Variants in XIAP observed in about 807,000 individuals in gnomAD.
XIAP encodes the protein E3 ubiquitin-protein ligase XIAP.
Under a neutral mutation model 33.1 loss-of-function variants are expected in XIAP, and 3 were observed. The ratio of observed to expected loss-of-function variants is 0.09; its 90% CI spans 0.04 to 0.23. The LOEUF (loss-of-function observed/expected upper bound fraction) is 0.23, where lower values mean the gene tolerates loss of function less well. XIAP is among the 10% of genes least tolerant of loss of function. The pLI, the probability that XIAP is intolerant of heterozygous loss-of-function variation, is 1.00. For missense variants in XIAP, 264 were observed against 363.0 expected (o/e 0.73, Z 2.22); for synonymous variants, 98 against 121.3 (o/e 0.81, Z 1.26).
rs754377022 is a variant in XIAP, at chrX:123,910,942, T to TA, written c.*3768dup. The TA allele has an allele frequency of 2.5e-5, 8 of 325,811 alleles. No homozygotes were observed. Among genetic ancestry groups the TA allele is most frequent in the Admixed American group, 9.5e-5 (3 of 31,651 alleles). The allele number at this position is 325,811 out of a possible 1,213,427, so 26.9% of individuals were successfully genotyped here. A position where few individuals can be genotyped will look rare whatever the true frequency, so the allele number is the denominator to read the frequency against. The stretch of plus-strand genomic sequence containing the variant: ...GTTCTTTTTAGTCAAATCTACTTGT[T>TA]AAAAAAAGGGTAGCAGTTTATTCAT... On this transcript the variant is annotated 3_prime_UTR_variant, in exon 7 of 7. Coordinates refer to ENST00000371199, the MANE Select transcript of XIAP (RefSeq NM_001167.4).
chrX:123,911,132 T>C lies in XIAP; in HGVS notation c.*3951T>C, dbSNP rs1159573226. The C allele has an allele frequency of 6.1e-6, 2 of 329,193 alleles. No individual in the cohort carries two copies. The highest frequency in any genetic ancestry group is 1.2e-5 in the Non-Finnish European group (2 of 169,971). The allele number at this position is 329,193 out of a possible 1,213,427, so 27.1% of individuals were successfully genotyped here. Reference sequence around the variant, plus strand: ...TGGGCTAAAACTTAGAAAAAATTCTTACATGATAACTCAGTGATGCTTACT... The same window carrying C: ...TGGGCTAAAACTTAGAAAAAATTCTCACATGATAACTCAGTGATGCTTACT... On this transcript the variant is annotated 3_prime_UTR_variant, in exon 7 of 7. Coordinates refer to ENST00000371199, the MANE Select transcript of XIAP (RefSeq NM_001167.4).
At chrX:123,902,031 G>A (rs1391150243) in intron 6 of XIAP, among the ~76,000 whole-genome samples, 3 of 111,281 alleles carry the variant, frequency 2.7e-5, no homozygotes, top group African/African-American at 6.5e-5. Context: ...ACAGGGTTTC[G>A]CCAAGTTGGC....
intron 1 of XIAP, among the ~76,000 whole-genome samples, chrX:123,884,333 A>T (rs1489975611): frequency 9.0e-6 from 1 of 110,606 alleles, no homozygotes; most frequent in African/African-American, 3.3e-5. Context: ...AAAAATACAA[A>T]ATTAGCCGGG....
chrX:123,899,146 T>A (rs372924522), intron 5 of XIAP, among the ~76,000 whole-genome samples: 3,686 of 13,218 alleles, frequency 0.28, 605 homozygotes, highest in African/African-American at 0.36. Context: ...AAAAAAAAAA[T>A]ATATATATAT....
intron 1 of XIAP, among the ~76,000 whole-genome samples, chrX:123,881,238 C>A (rs1245095555): frequency 9.0e-6 from 1 of 111,411 alleles, no homozygotes; most frequent in Non-Finnish European, 1.9e-5. Flanking sequence ...CACCTTTTCA[C>A]TTCAAAAACC....
At chrX:123,860,035 C>T (rs1440356541), upstream of XIAP, 4 of 320,740 alleles carry the variant, frequency 1.2e-5, no homozygotes, top group Non-Finnish European at 1.8e-5. Flanking sequence ...ACTGACGGAC[C>T]GCGCCCGGTG....
rs1569480865 is a variant in XIAP at position 123,913,744 on chromosome X, C to T, written c.*6563C>T. 4 of 325,885 alleles carry T rather than the reference C, an allele frequency of 1.2e-5. No homozygotes were observed. Among genetic ancestry groups the T allele is most frequent in the Middle Eastern group, 9.8e-4 (1 of 1,020 alleles). The allele number at this position is 325,885 out of a possible 1,213,427, so 26.9% of individuals were successfully genotyped here. On this transcript the variant is annotated 3_prime_UTR_variant, in exon 7 of 7. Transcript: ENST00000371199. ...TTTTTTCATTACTGTTATATTTTAACCTGACTGACTGATCTAATTGTATTA... is the reference window on the plus strand; with the variant it reads ...TTTTTTCATTACTGTTATATTTTAATCTGACTGACTGATCTAATTGTATTA...
chrX:123,869,362 C>CA lies in XIAP; in HGVS notation c.-33+9091dup, dbSNP rs57436822. ...AAACCCCATCTCTACTAAAAAAATACAAAAAAAAAAAAAAAAAAAAAAGCT... is the reference window on the plus strand; with the variant it reads ...AAACCCCATCTCTACTAAAAAAATACAAAAAAAAAAAAAAAAAAAAAAAGCT... On this transcript the variant is annotated intron_variant, in intron 1 of 6. Coordinates refer to ENST00000371199, the MANE Select transcript of XIAP (RefSeq NM_001167.4). Among the ~76,000 whole-genome samples the CA allele has an allele frequency of 9.3e-3, 276 of 29,705 alleles. 13 individuals carry two copies. The highest frequency in any genetic ancestry group is 0.027 in the African/African-American group (181 of 6,653). 25.8% of individuals were successfully genotyped at this position (29,705 alleles called of 115,157 possible).
At chrX:123,859,773 G>C (rs1299240502), upstream of XIAP, 3 of 202,690 alleles carry the variant, frequency 1.5e-5, no homozygotes, top group South Asian at 1.2e-4. Flanking sequence ...CGGGGGGGTC[G>C]GGTGGGGGTG....
chrX:123,865,718 C>T (rs1043139851), intron 1 of XIAP, among the ~76,000 whole-genome samples: 3 of 110,054 alleles, frequency 2.7e-5, no homozygotes, highest in Non-Finnish European at 5.7e-5. Context: ...AGCGAGACTC[C>T]GACTCAAAAA....
intron 5 of XIAP, among the ~76,000 whole-genome samples, chrX:123,899,144 A>T (rs35782747): frequency 0.017 from 865 of 50,071 alleles, 64 homozygotes; most frequent in African/African-American, 0.056. Flanking sequence ...AAAAAAAAAA[A>T]ATATATATAT....
At chrX:123,871,831 G>A (rs1026304387) in intron 1 of XIAP, among the ~76,000 whole-genome samples, 39 of 111,018 alleles carry the variant, frequency 3.5e-4, no homozygotes, top group African/African-American at 1.2e-3. Context: ...GGCCGGGTGC[G>A]GTGGCTCATG....
intron 3 of XIAP, among the ~76,000 whole-genome samples, chrX:123,890,047 C>T (rs1183533373): frequency 1.5e-5 from 1 of 65,254 alleles, no homozygotes; most frequent in Non-Finnish European, 2.6e-5. Context: ...GACGGAGTCT[C>T]GCTCTGTCGC....
rs1186271285 is a variant in XIAP at position 123,899,144 on chromosome X, A to AAAAATAT, written c.1100-1348_1100-1347insAAATATA. Among the ~76,000 whole-genome samples, 67 of 50,184 alleles carry AAAAATAT rather than the reference A, an allele frequency of 1.3e-3. 10 individuals are homozygous for AAAAATAT. Among genetic ancestry groups the AAAAATAT allele is most frequent in the Non-Finnish European group, 2.3e-3 (64 of 28,386 alleles). The allele number at this position is 50,184 out of a possible 115,157, so 43.6% of individuals were successfully genotyped here. On this transcript the variant is annotated intron_variant, in intron 5 of 6. Transcript: ENST00000371199. ...CAAAAAAAAAAAAAAAAAAAAAAAAAATATATATATATATATATATATGAT... is the reference window on the plus strand; with the variant it reads ...CAAAAAAAAAAAAAAAAAAAAAAAAAAAAATATATATATATATATATATATATATGAT...
At chrX:123,863,608 C>T (rs1363322056) in intron 1 of XIAP, among the ~76,000 whole-genome samples, 7 of 110,915 alleles carry the variant, frequency 6.3e-5, no homozygotes, top group South Asian at 3.9e-4. Context: ...CTCCCAGGTT[C>T]AAGCAGTTTC....
intron 6 of XIAP, among the ~76,000 whole-genome samples, chrX:123,905,408 G>C (rs2053549677): frequency 9.0e-6 from 1 of 111,127 alleles, no homozygotes; most frequent in East Asian, 2.8e-4. Flanking sequence ...TATCCCCCAA[G>C]GCCTCCTTCT....
chrX:123,889,511 AT>A (rs2053384943), intron 3 of XIAP, among the ~76,000 whole-genome samples: 1 of 99,718 alleles, frequency 1.0e-5, no homozygotes, highest in African/African-American at 3.6e-5. Flanking sequence ...TGGCCTCTAG[AT>A]TATCCCATTT....
At chrX:123,874,296 TAAGAA>T (rs991398848) in intron 1 of XIAP, among the ~76,000 whole-genome samples, 6 of 112,030 alleles carry the variant, frequency 5.4e-5, no homozygotes, top group Admixed American at 3.9e-4. Context: ...TTTAGAAAGT[TAAGAA>T]AAGCGCAAAG....
intron 3 of XIAP, among the ~76,000 whole-genome samples, chrX:123,890,491 A>G (rs945676206): frequency 2.0e-4 from 22 of 107,450 alleles, no homozygotes; most frequent in Admixed American, 1.1e-3. Context: ...TTAGCCAGTC[A>G]TGATGGCACA....
Sources: gnomAD v4.1 joint callset for allele counts (sites outside exome capture counted in the v4.1 genomes callset) on GRCh38, gnomAD v4.1.1 for gene constraint, MANE v1.5 for transcripts, NCBI Gene and HGNC (gene_info 2026-07-23, HGNC 2026-07-21) for gene names.